The following FDFT1 variants were observed in gnomAD, a reference collection of about 807,000 sequenced individuals.
FDFT1 encodes farnesyl-diphosphate farnesyltransferase 1.
FDFT1 carries 68 observed loss-of-function variants against 46.8 expected under a neutral mutation model. The ratio of observed to expected loss-of-function variants is 1.45; its 90% confidence interval spans 1.19 to 1.78. FDFT1 has a LOEUF of 1.78. Ranked by LOEUF, FDFT1 falls within the 40% of genes most tolerant of loss-of-function variation. The pLI, the probability that FDFT1 is intolerant of heterozygous loss-of-function variation, is 0.00. For synonymous variants in FDFT1, 351 were observed against 185.1 expected, an observed-to-expected ratio of 1.90 and a Z score of -7.28; for missense variants, 928 against 524.4, an observed-to-expected ratio of 1.77 and a Z score of -7.52.
chr8:11,799,410 T>TA (rs1225234412), upstream of FDFT1, among the ~76,000 whole-genome samples: 1 of 152,248 alleles, frequency 6.6e-6, no homozygotes, highest in East Asian at 1.9e-4. Context: ...CTGTGGCAGT[T>TA]AGAGCTTAGT....
chr8:11,823,603 C>A (rs973850576), intron 4 of FDFT1, among the ~76,000 whole-genome samples: 1 of 151,758 alleles, frequency 6.6e-6, no homozygotes, highest in Non-Finnish European at 1.5e-5. Flanking sequence ...GAGACAGGGT[C>A]TCACTCTGTC....
Position 11,826,207 on chromosome 8 carries a change from C to A in FDFT1, c.694C>A (p.Pro232Thr). 1 of 1,540,034 alleles carries A rather than the reference C, an allele frequency of 6.5e-7. No homozygotes were observed. Among genetic ancestry groups the A allele is most frequent in the Non-Finnish European group, 8.8e-7 (1 of 1,129,982 alleles). The change falls in exon 5 of 8, where the codon CCT becomes ACT. Residue 232 changes from proline (P) to threonine (T), a missense_variant. Transcript: ENST00000220584. ...CCAGCAAGGAGGAAGAGAGTTCTGG[C>A]CTCAAGAGGTAACAGATTCAGGGTA... is the stretch of plus-strand genomic sequence containing the variant. ...EDQQGGREFW[P>T]QEVWSRYVKK...
intron 1 of FDFT1, chr8:11,803,537 T>G (rs1320525110): frequency 8.6e-7 from 1 of 1,167,406 alleles, no homozygotes; most frequent in Non-Finnish European, 1.1e-6. Flanking sequence ...TTGGTTTTAC[T>G]TAGATTTTTA....
chr8:11,808,119 G>A (rs1585872779), intron 1 of FDFT1: 4 of 358,992 alleles, frequency 1.1e-5, no homozygotes, highest in Admixed American at 6.3e-5. Flanking sequence ...GGGGGATTCT[G>A]GTCAAATCAA....
chr8:11,803,132 C>G (rs1165575941), intron 1 of FDFT1: 2 of 1,428,238 alleles, frequency 1.4e-6, no homozygotes, highest in African/African-American at 1.4e-5. Flanking sequence ...CTGTCCCTGC[C>G]CCCGCAAGCC....
intron 7 of FDFT1, among the ~76,000 whole-genome samples, chr8:11,833,156 G>C (rs552407917): frequency 1.3e-5 from 2 of 152,102 alleles, no homozygotes; most frequent in African/African-American, 4.8e-5. Context: ...AAAATATTCA[G>C]CCAGTGACCC....
At chr8:11,832,080 T>A (rs1015166290) in intron 7 of FDFT1, among the ~76,000 whole-genome samples, 1 of 152,184 alleles carries the variant, frequency 6.6e-6, no homozygotes, top group Non-Finnish European at 1.5e-5. Context: ...TCTGGTACTT[T>A]CATTATGCCA....
rs981998119 is a variant in FDFT1, at chr8:11,838,848, C to G, written c.*239C>G. 6 of 518,498 alleles carry G rather than the reference C, an allele frequency of 1.2e-5. No individual in the cohort carries two copies. The highest frequency in any genetic ancestry group is 3.4e-5 in the Admixed American group (1 of 29,252). The allele number at this position is 518,498 out of a possible 1,614,324, so 32.1% of individuals were successfully genotyped here. ...GATGATCACTGTGCTGCTTGTGGCT[C>G]ATGGCAGAGCATTCAGTGCCACGGT... is the stretch of plus-strand genomic sequence containing the variant. On this transcript the variant is annotated 3_prime_UTR_variant, in exon 8 of 8. Coordinates refer to ENST00000220584, the MANE Select transcript of FDFT1 (RefSeq NM_004462.5).
chr8:11,838,930 G>C lies in FDFT1; in HGVS notation c.*321G>C, dbSNP rs1054330033. ...TGAGATCCTACTTAGTATGATCCTG[G>C]CTAGAATGATAATTAAAAGTATTTA... is the stretch of plus-strand genomic sequence containing the variant. On this transcript the variant is annotated 3_prime_UTR_variant, in exon 8 of 8. Coordinates refer to ENST00000220584, the MANE Select transcript of FDFT1 (RefSeq NM_004462.5). The C allele has an allele frequency of 1.1e-5, 3 of 272,384 alleles. No homozygotes were observed. Among genetic ancestry groups the C allele is most frequent in the African/African-American group, 6.8e-5 (3 of 44,270 alleles). The allele number at this position is 272,384 out of a possible 1,614,324, so 16.9% of individuals were successfully genotyped here.
chr8:11,798,312 G>C (rs114856239), upstream of FDFT1, among the ~76,000 whole-genome samples: 403 of 152,232 alleles, frequency 2.6e-3, 6 homozygotes, highest in African/African-American at 9.1e-3. Flanking sequence ...CGCCTGCATT[G>C]GTCTTCCCAA....
chr8:11,824,227 T>G (rs983470536), intron 4 of FDFT1, among the ~76,000 whole-genome samples: 4 of 152,138 alleles, frequency 2.6e-5, no homozygotes, highest in African/African-American at 9.7e-5. Flanking sequence ...TTAAGTTAAC[T>G]AATAGACAAT....
chr8:11,827,401 C>T (rs1305398864), intron 5 of FDFT1, among the ~76,000 whole-genome samples: 1 of 151,734 alleles, frequency 6.6e-6, no homozygotes, highest in Non-Finnish European at 1.5e-5. Flanking sequence ...ACCTGTATTC[C>T]TAGGTATTCG....
intron 1 of FDFT1, among the ~76,000 whole-genome samples, chr8:11,806,764 G>GA (rs970641458): frequency 1.3e-5 from 2 of 152,096 alleles, no homozygotes; most frequent in Non-Finnish European, 2.9e-5. Flanking sequence ...CTTTCACTCT[G>GA]AAATCCTGCC....
intron 7 of FDFT1, 154 bp downstream of exon 7, chr8:11,831,824 G>C: frequency 1.5e-6 from 1 of 683,306 alleles, no homozygotes; most frequent in Non-Finnish European, 2.5e-6. Flanking sequence ...AAGGAAAAAA[G>C]TCTATTCACA....
intron 6 of FDFT1, 73 bp from the exon 7 acceptor site, chr8:11,831,445 T>G: frequency 7.1e-7 from 1 of 1,414,266 alleles, no homozygotes; most frequent in Non-Finnish European, 9.9e-7. Context: ...CAGAAGGTTT[T>G]CTTACCTTTT....
At chr8:11,801,215 G>C (rs942995830), upstream of FDFT1, among the ~76,000 whole-genome samples, 1 of 152,224 alleles carries the variant, frequency 6.6e-6, no homozygotes, top group African/African-American at 2.4e-5. Context: ...GGAGGCCAGA[G>C]AGGTAATCTG....
intron 7 of FDFT1, among the ~76,000 whole-genome samples, chr8:11,836,303 T>C (rs971229324): frequency 6.6e-6 from 1 of 152,250 alleles, no homozygotes; most frequent in African/African-American, 2.4e-5. Flanking sequence ...ACCCTGTGTG[T>C]CACTGCCACT....
chr8:11,802,195 G>A (rs1806194175), upstream of FDFT1: 3 of 430,432 alleles, frequency 7.0e-6, no homozygotes, highest in South Asian at 1.6e-5. Flanking sequence ...GCTGGGCTGT[G>A]CTCGGGTGTG....
intron 4 of FDFT1, among the ~76,000 whole-genome samples, chr8:11,823,641 C>T (rs1273592750): frequency 1.3e-5 from 2 of 152,122 alleles, no homozygotes; most frequent in African/African-American, 4.8e-5. Context: ...GTGGCACAGA[C>T]AAGGCAGCCT....
Sources: gnomAD v4.1 joint callset for allele counts (sites outside exome capture counted in the v4.1 genomes callset) on GRCh38, gnomAD v4.1.1 for gene constraint, MANE v1.5 for transcripts, NCBI Gene and HGNC (gene_info 2026-07-23, HGNC 2026-07-21) for gene names.